Variants in FHIT observed in about 807,000 individuals in gnomAD.
FHIT encodes bis(5'-adenosyl)-triphosphatase.
A neutral mutation model predicts 17.9 loss-of-function variants in FHIT; 19 were observed. The observed-to-expected ratio is 1.06, with a 90% CI of 0.74 to 1.56. The LOEUF is 1.56. FHIT is among the 40% of genes most tolerant of loss of function. FHIT has a pLI of 0.00. For synonymous variants in FHIT, 81 were observed against 69.7 expected (o/e 1.16, Z -0.81); for missense variants, 248 against 189.2 (o/e 1.31, Z -1.82).
At chr3:61,038,325 T>TGGA (rs2033352644) in intron 3 of FHIT, among the ~76,000 whole-genome samples, 1 of 151,654 alleles carries the variant, frequency 6.6e-6, no homozygotes, top group African/African-American at 2.4e-5. Flanking sequence ...AAAATAAGAG[T>TGGA]GGTGAAGGAA....
intron 4 of FHIT, among the ~76,000 whole-genome samples, chr3:60,667,009 C>T (rs2040397070): frequency 6.8e-6 from 1 of 147,770 alleles, no homozygotes; most frequent in South Asian, 2.2e-4. Context: ...TGTGCACCAC[C>T]ATGCCTGGTT....
chr3:59,959,456 T>A (rs1707562182), intron 7 of FHIT, among the ~76,000 whole-genome samples: 2 of 152,228 alleles, frequency 1.3e-5, no homozygotes, highest in Non-Finnish European at 2.9e-5. Flanking sequence ...TTGAAATCTA[T>A]GTTCTTAATG....
chr3:60,626,830 T>G (rs1286037366), intron 4 of FHIT, among the ~76,000 whole-genome samples: 3 of 149,260 alleles, frequency 2.0e-5, no homozygotes, highest in African/African-American at 7.4e-5. Context: ...GAGCTGTGAA[T>G]TTTTAATAAT....
chr3:60,116,401 G>A (rs963903551), intron 5 of FHIT, among the ~76,000 whole-genome samples: 3 of 152,112 alleles, frequency 2.0e-5, no homozygotes, highest in Admixed American at 6.6e-5. Flanking sequence ...ATTTGAACTC[G>A]ATCCTCAGCC....
intron 4 of FHIT, among the ~76,000 whole-genome samples, chr3:60,717,529 G>A (rs2041712693): frequency 6.6e-6 from 1 of 152,146 alleles, no homozygotes; most frequent in Non-Finnish European, 1.5e-5. Context: ...ATCTGAGGAG[G>A]AGGCAGGGCT....
intron 4 of FHIT, among the ~76,000 whole-genome samples, chr3:60,622,870 G>A (rs966265822): frequency 5.9e-5 from 9 of 152,120 alleles, no homozygotes; most frequent in Non-Finnish European, 1.0e-4. Context: ...TCTGAGCTCC[G>A]TGCTCAAAAG....
intron 3 of FHIT, among the ~76,000 whole-genome samples, chr3:60,831,019 A>G (rs541635795): frequency 6.6e-6 from 1 of 152,326 alleles, no homozygotes; most frequent in Non-Finnish European, 1.5e-5. Flanking sequence ...ACAGATAGAA[A>G]ATCTTTAAGA....
chr3:60,457,939 G>A (rs1272658341), intron 5 of FHIT, among the ~76,000 whole-genome samples: 1 of 152,138 alleles, frequency 6.6e-6, no homozygotes, highest in Non-Finnish European at 1.5e-5. Flanking sequence ...AACAACAGGT[G>A]CTGGAGAGGA....
chr3:59,785,435 G>A (rs1369645308), intron 8 of FHIT, among the ~76,000 whole-genome samples: 2 of 151,460 alleles, frequency 1.3e-5, no homozygotes, highest in Admixed American at 6.6e-5. Flanking sequence ...TCAACCTCCC[G>A]AGTAGCTGGG....
chr3:60,679,985 A>G (rs1258388067), intron 4 of FHIT, among the ~76,000 whole-genome samples: 3 of 152,164 alleles, frequency 2.0e-5, no homozygotes, highest in Admixed American at 6.6e-5. Context: ...TTAGTTGAAT[A>G]ATAATATTTA....
intron 3 of FHIT, among the ~76,000 whole-genome samples, chr3:60,952,177 CCCA>C (rs1183415642): frequency 1.4e-4 from 19 of 138,566 alleles, no homozygotes; most frequent in Non-Finnish European, 2.5e-4. Flanking sequence ...CCACCCCCCC[CCCA>C]AAAAAAAAAA....
At chr3:60,930,373 A>T (rs1707885131) in intron 3 of FHIT, among the ~76,000 whole-genome samples, 1 of 152,222 alleles carries the variant, frequency 6.6e-6, no homozygotes, top group Admixed American at 6.5e-5. Flanking sequence ...AATGGGATCT[A>T]ATTAAAATAA....
At chr3:61,077,977 A>C (rs1264699860) in intron 2 of FHIT, among the ~76,000 whole-genome samples, 2 of 152,134 alleles carry the variant, frequency 1.3e-5, no homozygotes, top group African/African-American at 4.8e-5. Flanking sequence ...GCCCACGGAA[A>C]ACACCTCTTT....
At chr3:60,532,884 G>A (rs2035838544) in intron 5 of FHIT, among the ~76,000 whole-genome samples, 1 of 152,054 alleles carries the variant, frequency 6.6e-6, no homozygotes, top group African/African-American at 2.4e-5. Flanking sequence ...AATGTTATAA[G>A]AGAGACAAGT....
At chr3:60,258,777 A>G (rs1049885463) in intron 5 of FHIT, among the ~76,000 whole-genome samples, 6 of 152,146 alleles carry the variant, frequency 3.9e-5, no homozygotes, top group Non-Finnish European at 5.9e-5. Context: ...AGTGGATAGT[A>G]ATGAAAAAGT....
At chr3:59,797,343 T>G (rs193200075) in intron 8 of FHIT, among the ~76,000 whole-genome samples, 1 of 152,114 alleles carries the variant, frequency 6.6e-6, no homozygotes, top group African/African-American at 2.4e-5. Context: ...CCCACCACCA[T>G]GCCTGGCTAA....
At chr3:60,357,127 T>C (rs1244483928) in intron 5 of FHIT, among the ~76,000 whole-genome samples, 3 of 152,220 alleles carry the variant, frequency 2.0e-5, no homozygotes, top group Non-Finnish European at 2.9e-5. Flanking sequence ...TATGTAGGCA[T>C]TCTCAAGTGA....
chr3:60,631,645 G>C (rs368037264), intron 4 of FHIT, among the ~76,000 whole-genome samples: 2 of 152,152 alleles, frequency 1.3e-5, no homozygotes, highest in East Asian at 3.9e-4. Flanking sequence ...CGGAGGCACT[G>C]TCTAATTCAG....
intron 5 of FHIT, among the ~76,000 whole-genome samples, chr3:60,155,570 A>C (rs1032384767): frequency 6.6e-6 from 1 of 151,922 alleles, no homozygotes; most frequent in African/African-American, 2.4e-5. Flanking sequence ...GTCAATTGCA[A>C]CTCTTCCCTC....
Sources: allele counts gnomAD v4.1 joint callset (sites outside exome capture counted in the v4.1 genomes callset), GRCh38; gene constraint gnomAD v4.1.1; transcripts MANE v1.5; gene names NCBI Gene and HGNC (gene_info 2026-07-23, HGNC 2026-07-21).